The following R3HDM1 variants were observed in gnomAD, a reference collection of about 807,000 sequenced individuals.
R3HDM1 encodes the protein R3H domain-containing protein 1.
Under a neutral mutation model 141.1 loss-of-function variants are expected in R3HDM1, and 46 were observed. The ratio of observed to expected loss-of-function variants is 0.33; its 90% CI spans 0.26 to 0.42. The LOEUF (loss-of-function observed/expected upper bound fraction) is 0.42, where lower values mean the gene tolerates loss of function less well. R3HDM1 is among the 10% of genes least tolerant of loss of function. R3HDM1 has a pLI of 1.00. For missense variants in R3HDM1, 1,184 were observed against 1,368.3 expected, an observed-to-expected ratio of 0.87 and a Z score of 2.12; for synonymous variants, 435 against 472.9, an observed-to-expected ratio of 0.92 and a Z score of 1.04.
At chr2:135,580,002 T>G (rs1323276401) in intron 1 of R3HDM1, among the ~76,000 whole-genome samples, 1 of 152,126 alleles carries the variant, frequency 6.6e-6, no homozygotes, top group Non-Finnish European at 1.5e-5. Flanking sequence ...TGCAGCACTG[T>G]AATCCCAGAA....
chr2:135,690,378 A>G (rs1221386629), intron 21 of R3HDM1, among the ~76,000 whole-genome samples: 2 of 152,218 alleles, frequency 1.3e-5, no homozygotes, highest in Non-Finnish European at 2.9e-5. Context: ...AAAATGTAAT[A>G]AATAAAATTT....
intron 20 of R3HDM1, among the ~76,000 whole-genome samples, chr2:135,678,277 T>C (rs1181304505): frequency 1.3e-5 from 2 of 151,870 alleles, no homozygotes; most frequent in African/African-American, 4.8e-5. Flanking sequence ...CATTACCTTT[T>C]AAATCATAGA....
intron 24 of R3HDM1, among the ~76,000 whole-genome samples, chr2:135,718,751 C>T (rs889519505): frequency 2.6e-5 from 4 of 152,066 alleles, no homozygotes; most frequent in Non-Finnish European, 5.9e-5. Context: ...CAAAGTGCTG[C>T]GATTACAAAT....
intron 1 of R3HDM1, among the ~76,000 whole-genome samples, chr2:135,581,567 ATTGT>A (rs764537116): frequency 5.9e-5 from 9 of 152,074 alleles, no homozygotes; most frequent in Non-Finnish European, 1.2e-4. Context: ...ATGATTTAGG[ATTGT>A]TTATTTGCTT....
At chr2:135,542,764 C>T (rs539709493) in intron 1 of R3HDM1, among the ~76,000 whole-genome samples, 8 of 152,280 alleles carry the variant, frequency 5.3e-5, no homozygotes, top group Admixed American at 2.0e-4. Flanking sequence ...CATGAGACGG[C>T]GTCTCACTCT....
At chr2:135,621,180 C>G (rs2061482816) in intron 5 of R3HDM1, among the ~76,000 whole-genome samples, 2 of 151,934 alleles carry the variant, frequency 1.3e-5, no homozygotes, top group East Asian at 3.9e-4. Flanking sequence ...TTAAGAAGAC[C>G]TGAGTTCTCA....
At chr2:135,658,936 A>C (rs1014326976) in intron 18 of R3HDM1, among the ~76,000 whole-genome samples, 2 of 152,020 alleles carry the variant, frequency 1.3e-5, no homozygotes, top group African/African-American at 2.4e-5. Flanking sequence ...GTCCCTCTAG[A>C]AGGTCTTCAG....
chr2:135,564,638 T>C (rs1380991308), intron 1 of R3HDM1, among the ~76,000 whole-genome samples: 1 of 152,194 alleles, frequency 6.6e-6, no homozygotes, highest in Non-Finnish European at 1.5e-5. Flanking sequence ...GCAGAAAAAT[T>C]TCTATAGTGC....
chr2:135,608,107 A>G, intron 3 of R3HDM1: 1 of 344,620 alleles, frequency 2.9e-6, no homozygotes, highest in Non-Finnish European at 4.1e-6. Flanking sequence ...CAAGGTCAGG[A>G]GTTCGAGACC....
At chr2:135,613,738 C>T (rs1382891615) in intron 3 of R3HDM1, among the ~76,000 whole-genome samples, 2 of 152,168 alleles carry the variant, frequency 1.3e-5, no homozygotes, top group Non-Finnish European at 2.9e-5. Flanking sequence ...ATTACTTGAA[C>T]CTGGGAGGCG....
intron 1 of R3HDM1, chr2:135,584,487 C>A: frequency 3.2e-6 from 2 of 615,950 alleles, no homozygotes; most frequent in Non-Finnish European, 4.1e-6. Context: ...AAGGTAGAGA[C>A]ACAGCCAACT....
In R3HDM1 at chr2:135,660,698, T is replaced by A. The variant is rs143890531; in HGVS notation, c.2029-572T>A. 0.011 allele frequency among the ~76,000 whole-genome samples: 1,608 copies of A among 152,002 alleles called. 97 individuals carry two copies. In the East Asian group the frequency reaches 0.19, roughly 18 times the overall value. ...CCATCTCTACTGAAAATACAAAAAT[T>A]AGCTGGGCATGGTGGCACATGCCTG... is the stretch of plus-strand genomic sequence containing the variant. On this transcript the variant is annotated intron_variant, in intron 18 of 26. Coordinates refer to ENST00000683871, the MANE Select transcript of R3HDM1 (RefSeq NM_001378107.1).
chr2:135,612,536 A>G (rs1338605437), intron 3 of R3HDM1, among the ~76,000 whole-genome samples: 3 of 152,202 alleles, frequency 2.0e-5, no homozygotes, highest in Non-Finnish European at 4.4e-5. Context: ...ACGTATTAGT[A>G]TCAATTTCAA....
At chr2:135,546,315 G>A (rs866590851) in intron 1 of R3HDM1, among the ~76,000 whole-genome samples, 3 of 152,112 alleles carry the variant, frequency 2.0e-5, no homozygotes, top group African/African-American at 7.2e-5. Context: ...TATCCTAAAA[G>A]TGCATCAGTG....
chr2:135,535,229 G>T (rs924814314), intron 1 of R3HDM1, among the ~76,000 whole-genome samples: 1 of 152,060 alleles, frequency 6.6e-6, no homozygotes, highest in African/African-American at 2.4e-5. Flanking sequence ...GGCCAGGCGG[G>T]GTGGCTCACA....
At chr2:135,585,540 C>G (rs576459472) in intron 1 of R3HDM1, among the ~76,000 whole-genome samples, 2 of 152,316 alleles carry the variant, frequency 1.3e-5, no homozygotes, top group African/African-American at 4.8e-5. Flanking sequence ...CTATACCCAG[C>G]TATCACAGAA....
chr2:135,536,227 A>G (rs1696081168), intron 1 of R3HDM1, among the ~76,000 whole-genome samples: 2 of 152,116 alleles, frequency 1.3e-5, no homozygotes, highest in Admixed American at 1.3e-4. Context: ...ACAGCCTTGA[A>G]CTCTGAGGCT....
intron 2 of R3HDM1, 107 bp downstream of exon 2, chr2:135,602,815 T>G (rs1396144557): frequency 1.1e-6 from 1 of 935,572 alleles, no homozygotes; most frequent in Non-Finnish European, 1.5e-6. Flanking sequence ...CTCCCTACTT[T>G]GCAGCTGTTT....
At chr2:135,538,327 A>G (rs756948549) in intron 1 of R3HDM1, among the ~76,000 whole-genome samples, 5 of 152,350 alleles carry the variant, frequency 3.3e-5, no homozygotes, top group Admixed American at 1.3e-4. Context: ...ACTGGAAATT[A>G]TGGTAGGTGA....
Sources: allele counts gnomAD v4.1 joint callset (sites outside exome capture counted in the v4.1 genomes callset), GRCh38; gene constraint gnomAD v4.1.1; transcripts MANE v1.5; gene names NCBI Gene and HGNC (gene_info 2026-07-23, HGNC 2026-07-21).